The following GPC6 variants were observed in gnomAD, a reference collection of about 807,000 sequenced individuals.
GPC6 encodes glypican 6, also known as glypican-6.
GPC6 carries 14 observed loss-of-function variants against 55.2 expected under a neutral mutation model. The ratio of observed to expected loss-of-function variants is 0.25; its 90% CI spans 0.17 to 0.40. The LOEUF is 0.40. GPC6 is among the 10% of genes least tolerant of loss of function. The probability of loss-of-function intolerance (pLI) is 1.00; values close to 1 mark genes in which losing one functional copy is unlikely to be tolerated. For missense variants in GPC6, 641 were observed against 708.5 expected, an observed-to-expected ratio of 0.90 and a Z score of 1.08; for synonymous variants, 278 against 259.6, an observed-to-expected ratio of 1.07 and a Z score of -0.68.
chr13:94,344,090 A>C (rs985319911), intron 6 of GPC6, among the ~76,000 whole-genome samples: 3 of 152,162 alleles, frequency 2.0e-5, no homozygotes, highest in Non-Finnish European at 2.9e-5. Context: ...GGATGTTTTA[A>C]ACACAGGGCT....
At chr13:93,406,079 A>T (rs755214123) in intron 1 of GPC6, among the ~76,000 whole-genome samples, 2 of 152,178 alleles carry the variant, frequency 1.3e-5, no homozygotes, top group Non-Finnish European at 2.9e-5. Context: ...TCACTTCTAC[A>T]TTCTATTCAT....
chr13:94,363,207 G>T (rs1332084851), intron 6 of GPC6, among the ~76,000 whole-genome samples: 1 of 152,056 alleles, frequency 6.6e-6, no homozygotes, highest in Non-Finnish European at 1.5e-5. Context: ...TCAAACTGAT[G>T]ATATATGATT....
At chr13:93,890,406 C>G (rs1347344057) in intron 3 of GPC6, among the ~76,000 whole-genome samples, 1 of 152,054 alleles carries the variant, frequency 6.6e-6, no homozygotes, top group African/African-American at 2.4e-5. Context: ...CCTTCAATTA[C>G]TTGTTTACTG....
chr13:94,108,186 A>G (rs1211151792), intron 4 of GPC6, among the ~76,000 whole-genome samples: 1 of 152,208 alleles, frequency 6.6e-6, no homozygotes, highest in Non-Finnish European at 1.5e-5. Flanking sequence ...GTATATATGT[A>G]TAATGGAATA....
At chr13:93,868,226 T>C (rs1227849561) in intron 3 of GPC6, among the ~76,000 whole-genome samples, 1 of 151,774 alleles carries the variant, frequency 6.6e-6, no homozygotes, top group Non-Finnish European at 1.5e-5. Context: ...GCTTTTGTTC[T>C]CTGCCAAACC....
chr13:94,019,908 CT>C (rs1328368198), intron 3 of GPC6, among the ~76,000 whole-genome samples: 4 of 152,058 alleles, frequency 2.6e-5, no homozygotes, highest in Non-Finnish European at 5.9e-5. Flanking sequence ...TCTTTTCTCT[CT>C]TTGATAGTCA....
chr13:94,192,308 A>C (rs1889420966), intron 4 of GPC6, among the ~76,000 whole-genome samples: 1 of 152,154 alleles, frequency 6.6e-6, no homozygotes, highest in Non-Finnish European at 1.5e-5. Context: ...TTGGAACTTT[A>C]CTCTCTGAGC....
intron 4 of GPC6, among the ~76,000 whole-genome samples, chr13:94,171,884 CA>C (rs1166497203): frequency 6.6e-6 from 1 of 152,124 alleles, no homozygotes; most frequent in African/African-American, 2.4e-5. Context: ...CATGAAACTA[CA>C]AAGTCCCGTG....
In GPC6 at chr13:93,285,616, C is replaced by CTGTGTGTG. The variant is rs754671051; in HGVS notation, c.160+58040_160+58047dup. Among the ~76,000 whole-genome samples, 453 of 103,572 alleles carry CTGTGTGTG rather than the reference C, an allele frequency of 4.4e-3. 3 individuals carry two copies. The highest frequency in any genetic ancestry group is 5.6e-3 in the African/African-American group (154 of 27,272). The allele number at this position is 103,572 out of a possible 152,430, so 67.9% of individuals were successfully genotyped here. A position where few individuals can be genotyped will look rare whatever the true frequency, so the allele number is the denominator to read the frequency against. On this transcript the variant is annotated intron_variant, in intron 1 of 8. Transcript: ENST00000377047. ...GGGATGTATGTGTATGTATATACTG[C>CTGTGTGTG]TGTGTGTGTGTGTGTGTGTGTGTGT...
intron 3 of GPC6, among the ~76,000 whole-genome samples, chr13:93,943,786 G>T (rs187775821): frequency 2.0e-5 from 3 of 152,310 alleles, no homozygotes. Flanking sequence ...GAAATGGGCA[G>T]GCACTCACTC....
chr13:94,081,590 T>C (rs1025439299), intron 4 of GPC6, among the ~76,000 whole-genome samples: 2 of 152,118 alleles, frequency 1.3e-5, no homozygotes, highest in Non-Finnish European at 2.9e-5. Flanking sequence ...TGGCACCTCA[T>C]TGCAAGCAGG....
intron 4 of GPC6, among the ~76,000 whole-genome samples, chr13:94,127,530 A>G (rs766583928): frequency 6.6e-6 from 1 of 152,128 alleles, no homozygotes; most frequent in Non-Finnish European, 1.5e-5. Context: ...CTGTGAGCCA[A>G]TCAAACCTCT....
At chr13:94,221,631 A>G (rs943349057) in intron 4 of GPC6, among the ~76,000 whole-genome samples, 1 of 152,106 alleles carries the variant, frequency 6.6e-6, no homozygotes, top group Non-Finnish European at 1.5e-5. Flanking sequence ...ATATGACAGA[A>G]TCATGTTTGA....
chr13:93,640,804 CTTCCTTCCTTCTTTCCTTCCTTCCTTTG>C (rs1196357716), intron 2 of GPC6, among the ~76,000 whole-genome samples: 1 of 88,610 alleles, frequency 1.1e-5, no homozygotes, highest in African/African-American at 3.6e-5. Context: ...TCCTTCCTTC[CTTCCTTCCTTCTTTCCTTCCTTCCTTTG>C]TTCCTTCCTT....
intron 6 of GPC6, among the ~76,000 whole-genome samples, chr13:94,316,842 A>G (rs886718013): frequency 1.3e-5 from 2 of 152,104 alleles, no homozygotes; most frequent in Admixed American, 1.3e-4. Context: ...CTGCTCTTGT[A>G]TGACTTCATG....
At chr13:94,178,025 A>ATTTTTTTTTTTTTTTTTTTTTTTT (rs767978319) in intron 4 of GPC6, among the ~76,000 whole-genome samples, 9 of 132,982 alleles carry the variant, frequency 6.8e-5, no homozygotes, top group African/African-American at 9.5e-5. Context: ...TGGCCTTTTA[A>ATTTTTTTTTTTTTTTTTTTTTTTT]TTTTTTTTTT....
intron 4 of GPC6, among the ~76,000 whole-genome samples, chr13:94,059,079 A>G (rs1270423463): frequency 1.3e-5 from 2 of 152,066 alleles, no homozygotes; most frequent in Non-Finnish European, 1.5e-5. Flanking sequence ...TTTTATTTAT[A>G]GAGTTTTTTT....
At chr13:93,656,723 A>AT (rs1024839459) in intron 2 of GPC6, among the ~76,000 whole-genome samples, 11 of 152,148 alleles carry the variant, frequency 7.2e-5, no homozygotes, top group South Asian at 2.1e-4. Context: ...TTAAAAAATC[A>AT]TTTTTTGTGA....
At chr13:93,232,310 G>A (rs1192066723) in intron 1 of GPC6, among the ~76,000 whole-genome samples, 1 of 152,144 alleles carries the variant, frequency 6.6e-6, no homozygotes, top group Non-Finnish European at 1.5e-5. Flanking sequence ...GAAGGACAGT[G>A]TAAGTCACAA....
Sources: allele counts gnomAD v4.1 joint callset (sites outside exome capture counted in the v4.1 genomes callset), GRCh38; gene constraint gnomAD v4.1.1; transcripts MANE v1.5; gene names NCBI Gene and HGNC (gene_info 2026-07-23, HGNC 2026-07-21).